The following BICD2 variants were observed in gnomAD, a reference collection of about 807,000 sequenced individuals.
BICD2 encodes the protein protein bicaudal D homolog 2.
Under a neutral mutation model 72.9 loss-of-function variants are expected in BICD2, and 25 were observed. The ratio of observed to expected loss-of-function variants is 0.34; its 90% CI spans 0.25 to 0.48. The LOEUF is 0.48. BICD2 is among the 20% of genes least tolerant of loss of function. The pLI, the probability that BICD2 is intolerant of heterozygous loss-of-function variation, is 0.99. For missense variants in BICD2, 894 were observed against 1,175.2 expected (o/e 0.76, Z 3.50); for synonymous variants, 501 against 516.1 (o/e 0.97, Z 0.40).
intron 1 of BICD2, among the ~76,000 whole-genome samples, chr9:92,747,886 T>C (rs1854048548): frequency 6.6e-6 from 1 of 152,172 alleles, no homozygotes; most frequent in Non-Finnish European, 1.5e-5. Flanking sequence ...GGGGAACCTA[T>C]GCACACAGCT....
chr9:92,733,883 C>T (rs1447034986), intron 1 of BICD2, among the ~76,000 whole-genome samples: 3 of 151,944 alleles, frequency 2.0e-5, no homozygotes, highest in South Asian at 2.1e-4. Context: ...AGGAGAATGG[C>T]GTGAACCCGG....
chr9:92,745,265 C>A (rs990493056), intron 1 of BICD2, among the ~76,000 whole-genome samples: 1 of 152,098 alleles, frequency 6.6e-6, no homozygotes, highest in African/African-American at 2.4e-5. Context: ...GCAGGGCACA[C>A]TGGGATGGGG....
At chr9:92,757,301 G>C (rs535223736) in intron 1 of BICD2, among the ~76,000 whole-genome samples, 1 of 108,168 alleles carries the variant, frequency 9.2e-6, no homozygotes, top group African/African-American at 3.6e-5. Context: ...GCGACAGAAC[G>C]AGACTGTCTC....
At chr9:92,734,049 A>T (rs1017351490) in intron 1 of BICD2, among the ~76,000 whole-genome samples, 1 of 152,234 alleles carries the variant, frequency 6.6e-6, no homozygotes, top group African/African-American at 2.4e-5. Context: ...CTATTTACAT[A>T]ATACTATATA....
intron 1 of BICD2, among the ~76,000 whole-genome samples, chr9:92,754,098 TCG>T (rs1352521110): frequency 6.7e-6 from 1 of 149,508 alleles, no homozygotes; most frequent in Non-Finnish European, 1.5e-5. Context: ...TAAGCCAAGA[TCG>T]CGCCACTGCA....
chr9:92,727,751 A>AG (rs1853594881), intron 2 of BICD2, among the ~76,000 whole-genome samples: 1 of 149,866 alleles, frequency 6.7e-6, no homozygotes, highest in Non-Finnish European at 1.5e-5. Flanking sequence ...CCCACAGCCC[A>AG]CTCCCCGTGT....
In BICD2 at chr9:92,718,536, C is replaced by T. The variant is rs370179608; in HGVS notation, c.2106+3G>A. 60 of 1,602,134 alleles carry T rather than the reference C, an allele frequency of 3.7e-5. 1 individual carries two copies. The highest frequency in any genetic ancestry group is 4.2e-4 in the Middle Eastern group (2 of 4,812). On this transcript the variant is annotated splice_donor_region_variant and intron_variant, in intron 5 of 6. Transcript: ENST00000356884. ...CATGTGCCCCTGCTGCCTGGCACCT[C>T]ACCTGCTTGTTGGCCTTGAGCACAG...
In BICD2 at chr9:92,719,468, T is replaced by G; in HGVS notation, c.1177A>C (p.Asn393His). 1 of 1,614,092 alleles carries G rather than the reference T, an allele frequency of 6.2e-7. No homozygotes were observed. Among genetic ancestry groups the G allele is most frequent in the Non-Finnish European group, 8.5e-7 (1 of 1,180,028 alleles). Residue 393 changes from asparagine to histidine, a missense_variant, in exon 5 of 7, where the codon AAT becomes CAT. Asn to His is a moderately conservative substitution (Grantham distance 68). This residue lies in a region of BICD2 where 371 missense variants were observed against 439.1 expected (regional missense o/e 0.84). Coordinates refer to ENST00000356884, the MANE Select transcript of BICD2 (RefSeq NM_001003800.2). ...TGCAGGCGCCGCAGGGCACTCAGAT[T>G]CTCTGTGAGGCGGGTCACCTTCTCC... ...QQEKVTRLTE[N>H]LSALRRLQAS...
intron 3 of BICD2, 44 bp downstream of exon 3, chr9:92,722,612 A>G: frequency 6.2e-7 from 1 of 1,612,270 alleles, no homozygotes. Context: ...CTCAAGGCCC[A>G]GTTAACCCAC....
chr9:92,762,626 C>T (rs1336402175), intron 1 of BICD2, among the ~76,000 whole-genome samples: 3 of 152,124 alleles, frequency 2.0e-5, no homozygotes, highest in Non-Finnish European at 2.9e-5. Context: ...AGATACATGC[C>T]ACGAAAATGC....
At chr9:92,733,642 A>G (rs1330743824) in intron 1 of BICD2, among the ~76,000 whole-genome samples, 2 of 152,026 alleles carry the variant, frequency 1.3e-5, no homozygotes, top group Non-Finnish European at 2.9e-5. Flanking sequence ...AATGAATCAA[A>G]TACCTAAATA....
rs1587663864 is a variant in BICD2 at position 92,712,083 on chromosome 9, T to C, written c.*3071A>G. 6.6e-6 allele frequency: 1 copy of C among 152,654 alleles called. No homozygotes were observed. The highest frequency in any genetic ancestry group is 2.4e-5 in the African/African-American group (1 of 41,470). The allele number at this position is 152,654 out of a possible 1,614,324, so 9.5% of individuals were successfully genotyped here. A position where few individuals can be genotyped will look rare whatever the true frequency, so the allele number is the denominator to read the frequency against. On this transcript the variant is annotated 3_prime_UTR_variant, in exon 7 of 7. Transcript: ENST00000356884. ...ACTATGGCTAACCCTCATCCCCTAC[T>C]GCGCATGCCAACACAGCGTCGGCCC...
intron 1 of BICD2, among the ~76,000 whole-genome samples, chr9:92,747,764 G>A (rs1417866507): frequency 1.3e-5 from 2 of 152,176 alleles, no homozygotes; most frequent in South Asian, 2.1e-4. Context: ...GGACGCCCAC[G>A]TCCACCACAC....
chr9:92,722,257 T>C (rs1246634738), intron 3 of BICD2, among the ~76,000 whole-genome samples: 3 of 152,102 alleles, frequency 2.0e-5, no homozygotes, highest in Non-Finnish European at 2.9e-5. Flanking sequence ...TTCATCCCCG[T>C]CACAGACAGA....
intron 1 of BICD2, among the ~76,000 whole-genome samples, chr9:92,736,831 G>C (rs1039156477): frequency 6.6e-6 from 1 of 152,160 alleles, no homozygotes; most frequent in Non-Finnish European, 1.5e-5. Context: ...CACACACACA[G>C]AGAAACTGAG....
chr9:92,724,726 C>G (rs1853531698), intron 2 of BICD2, among the ~76,000 whole-genome samples: 3 of 152,212 alleles, frequency 2.0e-5, no homozygotes. Context: ...TCTCCAGCCT[C>G]TCTCCTGCTA....
intron 1 of BICD2, among the ~76,000 whole-genome samples, chr9:92,733,027 G>C (rs997829831): frequency 2.0e-5 from 3 of 152,182 alleles, no homozygotes; most frequent in African/African-American, 4.8e-5. Flanking sequence ...GAATTGCAAA[G>C]GGCCTAGAAG....
chr9:92,711,798 C>T lies in BICD2; in HGVS notation c.*3356G>A, dbSNP rs974819926. ...TCCCTACAACTAGGAATAAGAAATG[C>T]TTATTCCAGGAAACAGAATTCTTTT... On this transcript the variant is annotated 3_prime_UTR_variant, in exon 7 of 7. Coordinates refer to ENST00000356884, the MANE Select transcript of BICD2 (RefSeq NM_001003800.2). 6.6e-6 allele frequency: 1 copy of T among 152,522 alleles called. No individual in the cohort carries two copies. Among genetic ancestry groups the T allele is most frequent in the Non-Finnish European group, 1.5e-5 (1 of 68,030 alleles). 9.4% of individuals were successfully genotyped at this position (152,522 alleles called of 1,614,324 possible).
chr9:92,717,084 A>C (rs1423150702), intron 6 of BICD2, among the ~76,000 whole-genome samples: 1 of 152,216 alleles, frequency 6.6e-6, no homozygotes, highest in African/African-American at 2.4e-5. Flanking sequence ...CTTCCTTCTG[A>C]ATCTACAAAC....
Sources: allele counts gnomAD v4.1 joint callset (sites outside exome capture counted in the v4.1 genomes callset), GRCh38; gene constraint gnomAD v4.1.1; regional missense constraint gnomAD v4.1.1; transcripts MANE v1.5; gene names NCBI Gene and HGNC (gene_info 2026-07-23, HGNC 2026-07-21).